The following CHST9 variants were observed in gnomAD, a reference collection of about 807,000 sequenced individuals.
CHST9 encodes the protein carbohydrate sulfotransferase 9.
A neutral mutation model predicts 44.4 loss-of-function variants in CHST9; 41 were observed. That is an observed-to-expected ratio of 0.92 (90% confidence interval 0.72 to 1.20). CHST9 has a LOEUF of 1.20. Ranked by LOEUF, CHST9 falls within the 50% of genes most tolerant of loss-of-function variation. The pLI, the probability that CHST9 is intolerant of heterozygous loss-of-function variation, is 0.00. For missense variants in CHST9, 504 were observed against 516.5 expected (o/e 0.98, Z 0.23); for synonymous variants, 171 against 178.4 (o/e 0.96, Z 0.33).
At chr18:27,094,288 TAAAG>T (rs367870585) in intron 2 of CHST9, among the ~76,000 whole-genome samples, 1,798 of 152,316 alleles carry the variant, frequency 0.012, 35 homozygotes, top group African/African-American at 0.04. Flanking sequence ...GAACACTTGA[TAAAG>T]AAAACAAAAT....
intron 2 of CHST9, among the ~76,000 whole-genome samples, chr18:27,103,242 A>G (rs1415107321): frequency 2.0e-5 from 3 of 152,200 alleles, no homozygotes; most frequent in Non-Finnish European, 4.4e-5. Context: ...TAGAATCAGA[A>G]TCAACACCTA....
At chr18:26,969,793 G>A (rs536364264) in intron 4 of CHST9, among the ~76,000 whole-genome samples, 2 of 152,272 alleles carry the variant, frequency 1.3e-5, no homozygotes, top group Admixed American at 1.3e-4. Context: ...ACATTTGAGC[G>A]TAGCCTTAAG....
At chr18:27,048,695 A>G (rs573359753) in intron 2 of CHST9, among the ~76,000 whole-genome samples, 192 bp from the exon 3 acceptor site, 1 of 152,308 alleles carries the variant, frequency 6.6e-6, no homozygotes, top group Admixed American at 6.5e-5. Flanking sequence ...GAAAGTAAAA[A>G]ATAAATAACT....
chr18:27,150,830 T>C (rs2058653640), intron 1 of CHST9, among the ~76,000 whole-genome samples: 1 of 152,204 alleles, frequency 6.6e-6, no homozygotes, highest in Admixed American at 6.5e-5. Context: ...AATGTGATGG[T>C]CTTTTAGAAA....
intron 2 of CHST9, among the ~76,000 whole-genome samples, chr18:27,101,041 A>G (rs182688433): frequency 1.1e-4 from 16 of 152,240 alleles, no homozygotes; most frequent in African/African-American, 3.4e-4. Flanking sequence ...TATGCTTGTC[A>G]AGAGAACTAT....
intron 4 of CHST9, 63 bp downstream of exon 4, chr18:27,024,053 C>A: frequency 6.9e-7 from 1 of 1,459,264 alleles, no homozygotes; most frequent in Admixed American, 1.7e-5. Flanking sequence ...TTCAGATATT[C>A]TAGTTGTTGC....
intron 2 of CHST9, among the ~76,000 whole-genome samples, chr18:27,091,021 A>G (rs2143715808): frequency 6.6e-6 from 1 of 152,268 alleles, no homozygotes; most frequent in Admixed American, 6.5e-5. Context: ...CGTTGAATCT[A>G]TAAATTACTT....
intron 4 of CHST9, among the ~76,000 whole-genome samples, chr18:26,969,844 T>A (rs1266882060): frequency 6.6e-6 from 1 of 151,476 alleles, no homozygotes; most frequent in Non-Finnish European, 1.5e-5. Context: ...TTCTAAATAG[T>A]TTGATCTTGA....
At chr18:26,948,061 G>C (rs1397274512) in intron 4 of CHST9, among the ~76,000 whole-genome samples, 1 of 152,160 alleles carries the variant, frequency 6.6e-6, no homozygotes, top group African/African-American at 2.4e-5. Context: ...GGAATACTAT[G>C]CAGTCATAAA....
At chr18:27,158,089 A>G (rs1348275768) in intron 1 of CHST9, among the ~76,000 whole-genome samples, 1 of 152,016 alleles carries the variant, frequency 6.6e-6, no homozygotes, top group Non-Finnish European at 1.5e-5. Context: ...GAGACATCAC[A>G]AAGTTTTTTT....
chr18:26,969,064 T>G (rs2056503621), intron 4 of CHST9, among the ~76,000 whole-genome samples: 1 of 151,422 alleles, frequency 6.6e-6, no homozygotes, highest in Non-Finnish European at 1.5e-5. Flanking sequence ...AGTGGTGCGA[T>G]CTCGGCTCAC....
At chr18:27,177,594 T>A (rs964956579) in intron 1 of CHST9, among the ~76,000 whole-genome samples, 3 of 152,048 alleles carry the variant, frequency 2.0e-5, no homozygotes, top group Non-Finnish European at 2.9e-5. Flanking sequence ...CATTTTCACA[T>A]AAATCTAACA....
In CHST9 at chr18:27,185,171, T is replaced by C. The variant is rs1249325342; in HGVS notation, c.-132A>G. The C allele has an allele frequency of 6.6e-6, 1 of 152,004 alleles. No individual in the cohort carries two copies. Among genetic ancestry groups the C allele is most frequent in the Admixed American group, 6.6e-5 (1 of 15,266 alleles). The allele number at this position is 152,004 out of a possible 1,614,324, so 9.4% of individuals were successfully genotyped here. On this transcript the variant is annotated 5_prime_UTR_variant, in exon 1 of 6. Coordinates refer to ENST00000618847, the MANE Select transcript of CHST9 (RefSeq NM_031422.6). ...GCTGCCGGGCGCTTGCAGGTGCTGC[T>C]GTTCCAGGAGCGCAGCTTCGGAGGA...
intron 1 of CHST9, among the ~76,000 whole-genome samples, chr18:27,179,437 C>T (rs1054848385): frequency 3.3e-5 from 5 of 151,866 alleles, no homozygotes; most frequent in South Asian, 2.1e-4. Context: ...AAATAATCCA[C>T]GCCTACATAA....
At chr18:27,012,956 A>C (rs1325217094) in intron 4 of CHST9, among the ~76,000 whole-genome samples, 1 of 152,172 alleles carries the variant, frequency 6.6e-6, no homozygotes, top group Admixed American at 6.5e-5. Context: ...ACTGTGGCCT[A>C]ACAGTGTGCA....
chr18:27,048,466 T>C lies in CHST9; in HGVS notation c.159A>G (p.Ser53=). The change falls in exon 3 of 6, where the codon TCA becomes TCG. Residue 53 remains serine (S), a splice_region_variant and synonymous_variant. Transcript: ENST00000618847. ...VEKRREQKVT[S]GWGPVKYLRP... ...GGAGCCCATTGGACAAAATCTTACC[T>C]GAAGTTACTTTTTGTTCTCTTCTCT... 6.2e-7 allele frequency: 1 copy of C among 1,606,984 alleles called. No homozygotes were observed.
At position 27,023,346 on chromosome 18, in the gene CHST9, C is replaced by T. The variant is rs189506650; in HGVS notation, c.202+770G>A. On this transcript the variant is annotated intron_variant, in intron 4 of 5. Transcript: ENST00000618847. ...TAAATGCTTCCATCCACATGTTACA[C>T]AATAGCAAACCTCATTAGATTAGAA... Among the ~76,000 whole-genome samples the T allele has an allele frequency of 5.3e-5, 8 of 152,180 alleles. No individual in the cohort carries two copies. In the East Asian group the frequency reaches 1.5e-3, roughly 29 times the overall value.
intron 2 of CHST9, among the ~76,000 whole-genome samples, chr18:27,110,474 C>T (rs1298948300): frequency 6.6e-6 from 1 of 152,204 alleles, no homozygotes; most frequent in Non-Finnish European, 1.5e-5. Flanking sequence ...CTCTGGGCCA[C>T]CTGTCATCAT....
At chr18:27,069,683 T>G (rs1002011901) in intron 2 of CHST9, among the ~76,000 whole-genome samples, 3 of 152,344 alleles carry the variant, frequency 2.0e-5, no homozygotes, top group South Asian at 2.1e-4. Flanking sequence ...AACTCCAGTT[T>G]CCAAATTCCT....
Sources: allele counts gnomAD v4.1 joint callset (sites outside exome capture counted in the v4.1 genomes callset), GRCh38; gene constraint gnomAD v4.1.1; transcripts MANE v1.5; gene names NCBI Gene and HGNC (gene_info 2026-07-23, HGNC 2026-07-21).